PLEKHS1: variants seen among roughly 807,000 people sequenced by gnomAD.
PLEKHS1 encodes the protein pleckstrin homology domain containing S1, also known as pleckstrin homology domain-containing family S member 1.
A neutral mutation model predicts 51.0 loss-of-function variants in PLEKHS1; 55 were observed. The ratio of observed to expected loss-of-function variants is 1.08; its 90% CI spans 0.87 to 1.35. The LOEUF (loss-of-function observed/expected upper bound fraction) is 1.35. Among genes scored for constraint, PLEKHS1 ranks in the 40% most tolerant of loss-of-function variants. The probability of loss-of-function intolerance (pLI) is 0.00; values close to 1 mark genes in which losing one functional copy is unlikely to be tolerated. For synonymous variants in PLEKHS1, 153 were observed against 144.8 expected (o/e 1.06, Z -0.41); for missense variants, 398 against 423.0 (o/e 0.94, Z 0.52).
intron 2 of PLEKHS1, 191 bp downstream of exon 2, chr10:113,755,496 GC>G: frequency 9.0e-7 from 1 of 1,105,684 alleles, no homozygotes; most frequent in Non-Finnish European, 1.2e-6. Flanking sequence ...ACTGCAACCT[GC>G]CAGCTCAAGT....
intron 1 of PLEKHS1, among the ~76,000 whole-genome samples, chr10:113,754,315 T>A (rs1462480927): frequency 6.6e-6 from 1 of 152,012 alleles, no homozygotes; most frequent in East Asian, 1.9e-4. Flanking sequence ...ATTTTGAGAG[T>A]CTTACTAACT....
chr10:113,755,808 T>C (rs1473475524), intron 2 of PLEKHS1, among the ~76,000 whole-genome samples: 1 of 152,210 alleles, frequency 6.6e-6, no homozygotes, highest in Non-Finnish European at 1.5e-5. Flanking sequence ...GTGTAAGAGT[T>C]TACCTGTCTA....
intron 2 of PLEKHS1, among the ~76,000 whole-genome samples, chr10:113,757,620 T>G (rs1460143710): frequency 6.6e-6 from 1 of 152,254 alleles, no homozygotes; most frequent in Non-Finnish European, 1.5e-5. Flanking sequence ...AGGCAGGTTG[T>G]TGCTGAAGAT....
chr10:113,774,902 G>A (rs972251078), exon 10 of PLEKHS1: 1 of 1,614,132 alleles, frequency 6.2e-7, no homozygotes, highest in Non-Finnish European at 8.5e-7. Context: ...GACCCAGGAT[G>A]GGGACCTCCA....
chr10:113,752,351 ATATACATAAAATCTTTC>A (rs1262497488), intron 1 of PLEKHS1, among the ~76,000 whole-genome samples: 1 of 152,240 alleles, frequency 6.6e-6, no homozygotes, highest in Non-Finnish European at 1.5e-5. Flanking sequence ...ATATGTATAC[ATATACATAAAATCTTTC>A]ATATACATAT....
chr10:113,780,959 G>C, exon 12 of PLEKHS1: 1 of 622,356 alleles, frequency 1.6e-6, no homozygotes, highest in Non-Finnish European at 2.7e-6. Context: ...TGCTAAGAGG[G>C]TCATGTGGCA....
intron 1 of PLEKHS1, among the ~76,000 whole-genome samples, chr10:113,753,840 T>C (rs963032389): frequency 3.3e-5 from 5 of 152,168 alleles, no homozygotes; most frequent in Non-Finnish European, 7.3e-5. Context: ...AGATGGAGTC[T>C]TGCTCTATCA....
intron 1 of PLEKHS1, among the ~76,000 whole-genome samples, chr10:113,753,560 C>A (rs1031084304): frequency 2.0e-5 from 3 of 152,118 alleles, no homozygotes; most frequent in African/African-American, 7.2e-5. Context: ...GGTTCTTCAA[C>A]ATATGCCTTC....
At chr10:113,760,889 A>G (rs151254487) in intron 2 of PLEKHS1, among the ~76,000 whole-genome samples, 38 of 152,306 alleles carry the variant, frequency 2.5e-4, no homozygotes, top group African/African-American at 9.1e-4. Context: ...TGTCAAATCC[A>G]AGATTATAAA....
chr10:113,777,626 T>C lies in PLEKHS1; in HGVS notation c.1091+1760T>C, dbSNP rs1345377331. The stretch of plus-strand genomic sequence containing the variant: ...TATGACTAATGATGGTGCTGGTTGT[T>C]GGATAATTAAATGAGGTAATATGTG... On this transcript the variant is annotated intron_variant, in intron 11 of 11. Transcript: ENST00000361048. 1 of 1,543,144 alleles carries C rather than the reference T, an allele frequency of 6.5e-7. No individual in the cohort carries two copies. Among genetic ancestry groups the C allele is most frequent in the Admixed American group, 2.0e-5 (1 of 51,000 alleles).
chr10:113,768,593 C>T (rs894768838), intron 5 of PLEKHS1, among the ~76,000 whole-genome samples: 5 of 152,336 alleles, frequency 3.3e-5, no homozygotes, highest in Middle Eastern at 3.4e-3. Flanking sequence ...TTATTTTCTA[C>T]TTTTCTTCCC....
rs1365090711 is a variant in PLEKHS1, at chr10:113,755,241, A to G, written c.-19-18A>G. The G allele has an allele frequency of 1.2e-6, 2 of 1,602,160 alleles. No homozygotes were observed. The highest frequency in any genetic ancestry group is 1.3e-5 in the African/African-American group (1 of 74,320). ...GTAGTGTTGTTTGGGGACTAACACT[A>G]ACCCTTCCTTTTGACAGGGGAGGAC... is the stretch of plus-strand genomic sequence containing the variant. On this transcript the variant is annotated intron_variant, in intron 1 of 11. Transcript: ENST00000361048.
chr10:113,753,795 A>G (rs1280633907), intron 1 of PLEKHS1, among the ~76,000 whole-genome samples: 7 of 152,020 alleles, frequency 4.6e-5, no homozygotes, highest in East Asian at 1.9e-4. Flanking sequence ...GAACACATAT[A>G]TATATATATT....
At chr10:113,767,750 G>C (rs1435164550) in intron 5 of PLEKHS1, among the ~76,000 whole-genome samples, 3 of 152,082 alleles carry the variant, frequency 2.0e-5, no homozygotes, top group Non-Finnish European at 2.9e-5. Flanking sequence ...CCGAAATTAA[G>C]GTATGGGTAG....
intron 2 of PLEKHS1, among the ~76,000 whole-genome samples, chr10:113,757,486 T>C (rs1224008809): frequency 1.8e-4 from 27 of 152,256 alleles, no homozygotes; most frequent in Non-Finnish European, 4.0e-4. Context: ...GTAAATAATT[T>C]GCATACCTTA....
intron 11 of PLEKHS1, among the ~76,000 whole-genome samples, chr10:113,779,081 A>G (rs542545658): frequency 1.9e-4 from 29 of 152,336 alleles, no homozygotes; most frequent in African/African-American, 7.0e-4. Context: ...GTGCCCTGAG[A>G]TATGAACACA....
At chr10:113,760,258 C>T (rs1257631096) in intron 2 of PLEKHS1, among the ~76,000 whole-genome samples, 1 of 152,114 alleles carries the variant, frequency 6.6e-6, no homozygotes, top group African/African-American at 2.4e-5. Flanking sequence ...AATCCTTTCA[C>T]CTGTTGATGA....
intron 10 of PLEKHS1, among the ~76,000 whole-genome samples, chr10:113,775,303 C>A (rs551220651): frequency 2.6e-5 from 4 of 151,746 alleles, no homozygotes; most frequent in Non-Finnish European, 4.4e-5. Flanking sequence ...GGTCCCAGGA[C>A]TTGGGATCCA....
intron 11 of PLEKHS1, 142 bp from the exon 13 acceptor site, chr10:113,780,460 C>A: frequency 1.3e-6 from 1 of 772,274 alleles, no homozygotes; most frequent in Non-Finnish European, 2.1e-6. Context: ...TCATCCCTGT[C>A]TATTTCTGGC....
Sources: gnomAD v4.1 joint callset for allele counts (sites outside exome capture counted in the v4.1 genomes callset) on GRCh38, gnomAD v4.1.1 for gene constraint, MANE v1.5 for transcripts, NCBI Gene and HGNC (gene_info 2026-07-23, HGNC 2026-07-21) for gene names.